The following DPP6 variants were observed in gnomAD, a reference collection of about 807,000 sequenced individuals.
DPP6 encodes the protein dipeptidyl peptidase like 6.
In DPP6, 69 loss-of-function variants were observed where a neutral mutation model predicts 122.6. That is an observed-to-expected ratio of 0.56 (90% CI 0.46 to 0.69). The LOEUF is 0.69. DPP6 is among the 30% of genes least tolerant of loss of function. The pLI is 0.00. For synonymous variants in DPP6, 418 were observed against 433.1 expected, an observed-to-expected ratio of 0.97 and a Z score of 0.43; for missense variants, 928 against 1,116.9, an observed-to-expected ratio of 0.83 and a Z score of 2.41.
chr7:154,037,923 C>A (rs1298639902), intron 1 of DPP6, among the ~76,000 whole-genome samples: 1 of 122,388 alleles, frequency 8.2e-6, no homozygotes, highest in Non-Finnish European at 1.7e-5. Context: ...CCTATGGCAA[C>A]AACCTAACTT....
chr7:154,419,495 G>A (rs73497204), intron 1 of DPP6, among the ~76,000 whole-genome samples: 22 of 152,300 alleles, frequency 1.4e-4, no homozygotes, highest in Non-Finnish European at 2.9e-4. Context: ...TGCAGAATGC[G>A]TTCTCCTTTC....
At chr7:154,814,025 C>T (rs1284247828) in intron 16 of DPP6, among the ~76,000 whole-genome samples, 3 of 151,558 alleles carry the variant, frequency 2.0e-5, no homozygotes, top group South Asian at 2.1e-4. Context: ...GGATTACAAG[C>T]GCCAACCACC....
chr7:153,936,887 C>G (rs756005279), intron 1 of DPP6, among the ~76,000 whole-genome samples: 7 of 152,180 alleles, frequency 4.6e-5, no homozygotes, highest in Non-Finnish European at 1.0e-4. Flanking sequence ...TGGTACGCTT[C>G]TGTCGTTTAT....
intron 8 of DPP6, among the ~76,000 whole-genome samples, chr7:154,743,268 C>A (rs1427842614): frequency 6.6e-6 from 1 of 152,082 alleles, no homozygotes; most frequent in Non-Finnish European, 1.5e-5. Flanking sequence ...TCTGGAAAAA[C>A]CATCATTAAG....
At chr7:154,140,064 G>A (rs939651167) in intron 1 of DPP6, among the ~76,000 whole-genome samples, 1 of 152,154 alleles carries the variant, frequency 6.6e-6, no homozygotes, top group Non-Finnish European at 1.5e-5. Flanking sequence ...GTCTGATGGG[G>A]GGTAGCTGCT....
Position 154,607,722 on chromosome 7 carries a change from T to C in DPP6, c.628-30099T>C, listed in dbSNP as rs1457728248. Among the ~76,000 whole-genome samples, 3 of 118,716 alleles carry C rather than the reference T, an allele frequency of 2.5e-5. 1 individual carries two copies. Among genetic ancestry groups the C allele is most frequent in the African/African-American group, 8.0e-5 (3 of 37,450 alleles). The allele number at this position is 118,716 out of a possible 152,430, so 77.9% of individuals were successfully genotyped here. ...CTGTAAATGTATTTTCTTTTCCTTA[T>C]GATGTTTATAACATTTTCTTTTCTC... is the stretch of plus-strand genomic sequence containing the variant. On this transcript the variant is annotated intron_variant, in intron 5 of 25. Coordinates refer to ENST00000377770, the MANE Select transcript of DPP6 (RefSeq NM_130797.4).
At chr7:154,534,111 T>C (rs1828055424) in intron 3 of DPP6, among the ~76,000 whole-genome samples, 1 of 152,180 alleles carries the variant, frequency 6.6e-6, no homozygotes, top group African/African-American at 2.4e-5. Flanking sequence ...TAGCTCACTG[T>C]ATTAATGACA....
intron 1 of DPP6, among the ~76,000 whole-genome samples, chr7:154,265,081 G>GGTGATCATGATGGTGTTA (rs1585778776): frequency 4.0e-5 from 6 of 151,304 alleles, no homozygotes; most frequent in East Asian, 1.9e-4. Flanking sequence ...TGGTGATGAT[G>GGTGATCATGATGGTGTTA]ATGGTGATGA....
intron 1 of DPP6, among the ~76,000 whole-genome samples, chr7:154,441,044 G>A (rs144724197): frequency 5.1e-4 from 77 of 152,274 alleles, no homozygotes; most frequent in African/African-American, 1.8e-3. Flanking sequence ...AAACAAACAC[G>A]TCATGGGATG....
intron 1 of DPP6, among the ~76,000 whole-genome samples, chr7:154,063,534 C>G: frequency 7.5e-6 from 1 of 133,660 alleles, no homozygotes; most frequent in Non-Finnish European, 1.6e-5. Context: ...GGGAGGCACC[C>G]CCCGCGAGGG....
chr7:154,768,193 T>A (rs979274246), intron 8 of DPP6, among the ~76,000 whole-genome samples: 2 of 152,188 alleles, frequency 1.3e-5, no homozygotes, highest in Non-Finnish European at 2.9e-5. Flanking sequence ...TGAACCCTCC[T>A]CCCGGCCAGC....
chr7:154,156,470 G>A (rs1796686151), intron 1 of DPP6, among the ~76,000 whole-genome samples: 1 of 152,162 alleles, frequency 6.6e-6, no homozygotes, highest in Non-Finnish European at 1.5e-5. Flanking sequence ...CAATACTAGT[G>A]GTTGAGACTA....
rs1798598789 is a variant in DPP6, at chr7:154,804,901, T to C, written c.1500-16T>C. On this transcript the variant is annotated splice_polypyrimidine_tract_variant and intron_variant, in intron 14 of 25. Transcript: ENST00000377770. ...TTGGAGCAAACTAACCCTGTGCACC[T>C]TGGTGATCTTTGCAGCTACTTCCTG... is the stretch of plus-strand genomic sequence containing the variant. 7 of 1,598,500 alleles carry C rather than the reference T, an allele frequency of 4.4e-6. No homozygotes were observed. The highest frequency in any genetic ancestry group is 6.0e-6 in the Non-Finnish European group (7 of 1,172,118).
At chr7:154,653,041 C>T (rs1052969509) in intron 6 of DPP6, among the ~76,000 whole-genome samples, 5 of 152,180 alleles carry the variant, frequency 3.3e-5, no homozygotes, top group African/African-American at 1.2e-4. Flanking sequence ...GCTGGGGTCT[C>T]ATGGCTCTTG....
chr7:153,983,077 C>G (rs1465561568), intron 1 of DPP6, among the ~76,000 whole-genome samples: 1 of 152,234 alleles, frequency 6.6e-6, no homozygotes, highest in Non-Finnish European at 1.5e-5. Context: ...GAGCGCTGTG[C>G]TGGGAGATCC....
rs903333089 is a variant in DPP6 at position 154,680,146 on chromosome 7, T to G, written c.762+10705T>G. On this transcript the variant is annotated intron_variant, in intron 7 of 25. Coordinates refer to ENST00000377770, the MANE Select transcript of DPP6 (RefSeq NM_130797.4). ...ATTTCAGAAAGGAAATGCGTAATCATAGGATTATGGGGGAAGTGAGAGAAG... is the reference window on the plus strand; with the variant it reads ...ATTTCAGAAAGGAAATGCGTAATCAGAGGATTATGGGGGAAGTGAGAGAAG... 2.0e-5 allele frequency among the ~76,000 whole-genome samples: 3 copies of G among 151,974 alleles called. No individual in the cohort carries two copies. In the East Asian group the frequency reaches 5.8e-4, roughly 29 times the overall value.
chr7:153,831,447 C>T, the DPP6 span, among the ~76,000 whole-genome samples: 85 of 152,172 alleles, frequency 5.6e-4, no homozygotes, highest in African/African-American at 1.6e-3. Flanking sequence ...AACTAAGCTA[C>T]GAAGAGGGAC....
chr7:154,244,874 CA>C (rs1801871308), intron 1 of DPP6, among the ~76,000 whole-genome samples: 1 of 150,068 alleles, frequency 6.7e-6, no homozygotes, highest in African/African-American at 2.5e-5. Context: ...TCACTAGATG[CA>C]AATTAATTAA....
At chr7:154,356,165 T>C (rs1229614848) in intron 1 of DPP6, among the ~76,000 whole-genome samples, 1 of 152,222 alleles carries the variant, frequency 6.6e-6, no homozygotes, top group Non-Finnish European at 1.5e-5. Flanking sequence ...TCATTTTCTG[T>C]GTGTTTATAT....
Sources: gnomAD v4.1 joint callset for allele counts (sites outside exome capture counted in the v4.1 genomes callset) on GRCh38, gnomAD v4.1.1 for gene constraint, MANE v1.5 for transcripts, NCBI Gene and HGNC (gene_info 2026-07-23, HGNC 2026-07-21) for gene names.